The following RAP1GAP2 variants were observed in gnomAD, a reference collection of about 807,000 sequenced individuals.
RAP1GAP2 encodes rap1 GTPase-activating protein 2.
In RAP1GAP2, 27 loss-of-function variants were observed where a neutral mutation model predicts 95.0. The ratio of observed to expected loss-of-function variants is 0.28; its 90% confidence interval spans 0.21 to 0.39. The LOEUF (loss-of-function observed/expected upper bound fraction) is 0.39, where lower values mean the gene tolerates loss of function less well. Ranked by LOEUF, RAP1GAP2 falls within the 10% of genes least tolerant of loss-of-function variation. RAP1GAP2 has a pLI of 1.00. For synonymous variants in RAP1GAP2, 373 were observed against 380.9 expected, an observed-to-expected ratio of 0.98 and a Z score of 0.24; for missense variants, 771 against 970.0, an observed-to-expected ratio of 0.79 and a Z score of 2.72.
intron 2 of RAP1GAP2, among the ~76,000 whole-genome samples, chr17:2,875,299 T>C (rs1210845062): frequency 1.3e-5 from 2 of 152,146 alleles, no homozygotes; most frequent in Non-Finnish European, 2.9e-5. Flanking sequence ...ACTCCTGACC[T>C]CAGGTGGTCT....
At chr17:2,993,328 C>A (rs541341995) in intron 12 of RAP1GAP2, among the ~76,000 whole-genome samples, 17 of 151,842 alleles carry the variant, frequency 1.1e-4, no homozygotes, top group African/African-American at 3.9e-4. Context: ...AACCCCAGCA[C>A]TTTGGGAGGC....
Position 3,027,453 on chromosome 17 carries a change from G to T in RAP1GAP2, c.2107+383G>T, listed in dbSNP as rs1212683858. ...CCAGGGCCCGTCTGTCATGTCGGGG[G>T]TCTTGATAATACAAGACGGGGGAAG... On this transcript the variant is annotated intron_variant, in intron 22 of 24. Coordinates refer to ENST00000254695, the MANE Select transcript of RAP1GAP2 (RefSeq NM_015085.5). The surrounding 1 kb of genome is among the most constrained non-coding windows in gnomAD (Gnocchi z 5.2). Among the ~76,000 whole-genome samples the T allele has an allele frequency of 2.6e-5, 4 of 152,064 alleles. No individual in the cohort carries two copies. Among genetic ancestry groups the T allele is most frequent in the African/African-American group, 9.7e-5 (4 of 41,408 alleles).
intron 19 of RAP1GAP2, among the ~76,000 whole-genome samples, chr17:3,024,696 C>T (rs766930733): frequency 1.6e-4 from 24 of 152,174 alleles, no homozygotes; most frequent in African/African-American, 5.3e-4. Context: ...ATAAACAAAG[C>T]GCCATCTATC....
At chr17:3,011,217 C>T (rs971763045) in intron 17 of RAP1GAP2, among the ~76,000 whole-genome samples, 11 of 152,072 alleles carry the variant, frequency 7.2e-5, no homozygotes, top group South Asian at 2.1e-4. Context: ...TGTGAGCCAC[C>T]GCGCCCGGCC....
chr17:2,883,241 C>T (rs555395570), intron 2 of RAP1GAP2, among the ~76,000 whole-genome samples: 2 of 152,352 alleles, frequency 1.3e-5, no homozygotes, highest in East Asian at 3.9e-4. Flanking sequence ...TCTGAGGGGG[C>T]AGCAAAGCCT....
chr17:2,766,842 C>T (rs1307788848), intron 1 of RAP1GAP2, among the ~76,000 whole-genome samples: 1 of 152,132 alleles, frequency 6.6e-6, no homozygotes, highest in Non-Finnish European at 1.5e-5. Context: ...TGTAGCAGCC[C>T]CAACTGTCTA....
intron 3 of RAP1GAP2, among the ~76,000 whole-genome samples, chr17:2,924,969 A>G (rs2042905148): frequency 6.6e-6 from 1 of 152,184 alleles, no homozygotes; most frequent in South Asian, 2.1e-4. Context: ...AATTCTGAGA[A>G]TCAGGTGAGA....
chr17:2,854,374 G>C (rs1004146827), intron 2 of RAP1GAP2, among the ~76,000 whole-genome samples: 2 of 152,212 alleles, frequency 1.3e-5, no homozygotes, highest in Non-Finnish European at 2.9e-5. Flanking sequence ...GTCGCCCCCA[G>C]ACCCTTTGCA....
chr17:2,993,589 T>TA (rs2151572737), intron 12 of RAP1GAP2, among the ~76,000 whole-genome samples: 1 of 147,250 alleles, frequency 6.8e-6, no homozygotes, highest in African/African-American at 2.5e-5. Flanking sequence ...AAAAAATAAA[T>TA]AAATAAATAA....
intron 8 of RAP1GAP2, among the ~76,000 whole-genome samples, chr17:2,970,294 A>AAAAT (rs1555582398): frequency 8.6e-6 from 1 of 116,060 alleles, no homozygotes; most frequent in Admixed American, 9.2e-5. Context: ...AAAAAAAAAA[A>AAAAT]AATAATAATA....
chr17:2,811,067 G>C (rs1487541158), intron 2 of RAP1GAP2, among the ~76,000 whole-genome samples: 1 of 152,096 alleles, frequency 6.6e-6, no homozygotes, highest in African/African-American at 2.4e-5. Flanking sequence ...ATTCAACAAG[G>C]TTCACCCCTC....
At position 2,866,357 on chromosome 17, in the gene RAP1GAP2, G is replaced by T. The variant is rs184537905; in HGVS notation, c.81-38927G>T. The stretch of plus-strand genomic sequence containing the variant: ...AGGTGTTGAATGCTGGGGAAAGAAG[G>T]GCAGGTCAGGCTGTGGGAGGCTTCC... On this transcript the variant is annotated intron_variant, in intron 2 of 24. Coordinates refer to ENST00000254695, the MANE Select transcript of RAP1GAP2 (RefSeq NM_015085.5). The surrounding 1 kb of genome is among the most constrained non-coding windows in gnomAD (Gnocchi z 4.0). 5.5e-4 allele frequency among the ~76,000 whole-genome samples: 84 copies of T among 152,314 alleles called. 2 individuals carry two copies. The Middle Eastern group carries it at 0.014, about 25-fold the overall frequency.
Position 2,891,814 on chromosome 17 carries a change from C to CTTTTTTTTTTT in RAP1GAP2, c.81-13454_81-13444dup, listed in dbSNP as rs917540694. 2.7e-3 allele frequency among the ~76,000 whole-genome samples: 145 copies of CTTTTTTTTTTT among 54,258 alleles called. 9 individuals carry two copies. Among genetic ancestry groups the CTTTTTTTTTTT allele is most frequent in the African/African-American group, 3.5e-3 (50 of 14,266 alleles). 35.6% of individuals were successfully genotyped at this position (54,258 alleles called of 152,430 possible). ...TGATATGCAGATTCATATTTCTTTTCTTTTTTTTTTTTTTTTTTTTTTTTT... is the reference window on the plus strand; with the variant it reads ...TGATATGCAGATTCATATTTCTTTTCTTTTTTTTTTTTTTTTTTTTTTTTTTTTTTTTTTTT... On this transcript the variant is annotated intron_variant, in intron 2 of 24. Coordinates refer to ENST00000254695, the MANE Select transcript of RAP1GAP2 (RefSeq NM_015085.5).
At chr17:2,826,729 C>G (rs1001316342) in intron 2 of RAP1GAP2, among the ~76,000 whole-genome samples, 10 of 152,072 alleles carry the variant, frequency 6.6e-5, no homozygotes, top group South Asian at 4.2e-4. Flanking sequence ...GATTTCCGGC[C>G]GGGCGCGGTG....
intron 2 of RAP1GAP2, among the ~76,000 whole-genome samples, chr17:2,879,516 A>G (rs1348518204): frequency 6.8e-6 from 1 of 147,678 alleles, no homozygotes; most frequent in African/African-American, 2.5e-5. Flanking sequence ...TCACGAGATC[A>G]GGAGTTCAAG....
intron 3 of RAP1GAP2, among the ~76,000 whole-genome samples, chr17:2,955,845 T>C (rs2151468275): frequency 6.6e-6 from 1 of 152,380 alleles, no homozygotes; most frequent in South Asian, 2.1e-4. Context: ...TATTTTATTC[T>C]GTGAGTGTAG....
intron 8 of RAP1GAP2, among the ~76,000 whole-genome samples, chr17:2,973,858 A>G (rs1480935028): frequency 2.0e-5 from 3 of 152,222 alleles, no homozygotes; most frequent in Non-Finnish European, 1.5e-5. Flanking sequence ...AAACAAAACA[A>G]TACTTCTAGA....
chr17:3,030,157 C>T (rs1408862056), intron 22 of RAP1GAP2, among the ~76,000 whole-genome samples: 1 of 125,146 alleles, frequency 8.0e-6, no homozygotes, highest in Non-Finnish European at 1.8e-5. Flanking sequence ...TATGTATATA[C>T]ATATGTATAA....
chr17:2,894,813 T>C (rs931126923), intron 2 of RAP1GAP2, among the ~76,000 whole-genome samples: 3 of 152,204 alleles, frequency 2.0e-5, no homozygotes, highest in African/African-American at 7.2e-5. Context: ...TCATGTCATT[T>C]CTGTGGCTGT....
Sources: allele counts gnomAD v4.1 joint callset (sites outside exome capture counted in the v4.1 genomes callset), GRCh38; gene constraint gnomAD v4.1.1; non-coding constraint Gnocchi (gnomAD v3.1); transcripts MANE v1.5; gene names NCBI Gene and HGNC (gene_info 2026-07-23, HGNC 2026-07-21).